Variants in UMODL1 observed in about 807,000 individuals in gnomAD.
The protein encoded by UMODL1 is uromodulin like 1.
A neutral mutation model predicts 136.3 loss-of-function variants in UMODL1; 128 were observed. The ratio of observed to expected loss-of-function variants is 0.94; its 90% CI spans 0.81 to 1.09. UMODL1 has a LOEUF of 1.09. Ranked by LOEUF, UMODL1 falls within the 50% of genes least tolerant of loss-of-function variation. The pLI is 0.00. For missense variants in UMODL1, 1,766 were observed against 1,725.6 expected (o/e 1.02, Z -0.41); for synonymous variants, 721 against 720.0 (o/e 1.00, Z -0.02).
upstream of UMODL1, among the ~76,000 whole-genome samples, chr21:42,066,426 G>A (rs1037464973): frequency 6.6e-6 from 1 of 152,200 alleles, no homozygotes; most frequent in South Asian, 2.1e-4. Flanking sequence ...AGGATTACAG[G>A]TGTGTGTCAC....
rs528852592 is a variant in UMODL1, at chr21:42,125,601, G to A, written c.3148-744G>A. 9.8e-5 allele frequency among the ~76,000 whole-genome samples: 15 copies of A among 152,294 alleles called. No individual in the cohort carries two copies. The South Asian group carries it at 2.5e-3, about 25-fold the overall frequency. On this transcript the variant is annotated intron_variant, in intron 17 of 22. Transcript: ENST00000408910. ...TTTTCTCCCTCAAAGCTTCTTAGACGGCCACCTGGAGGCCGAGCGTTGGCA... is the reference window on the plus strand; with the variant it reads ...TTTTCTCCCTCAAAGCTTCTTAGACAGCCACCTGGAGGCCGAGCGTTGGCA...
rs73371529 is a variant in UMODL1, at chr21:42,063,641, C to T, written c.-141+427C>T. On this transcript the variant is annotated intron_variant, in intron 1 of 22. Transcript: ENST00000400424. Reference sequence around the variant, plus strand: ...AGTGGAAACCTCTGGCCTCAGACCCCCTGGAGGAATCCCTCCCTCTAAGAC... The same window carrying T: ...AGTGGAAACCTCTGGCCTCAGACCCTCTGGAGGAATCCCTCCCTCTAAGAC... Among the ~76,000 whole-genome samples the T allele has an allele frequency of 2.6e-3, 391 of 152,316 alleles. 2 individuals are homozygous for T. Among genetic ancestry groups the T allele is most frequent in the African/African-American group, 9.2e-3 (381 of 41,556 alleles).
At chr21:42,068,333 C>G (rs2066199932), upstream of UMODL1, among the ~76,000 whole-genome samples, 2 of 152,140 alleles carry the variant, frequency 1.3e-5, no homozygotes, top group Non-Finnish European at 2.9e-5. The surrounding 1 kb of genome is among the most constrained non-coding windows in gnomAD (Gnocchi z 5.5). Context: ...AGGCTGGGAG[C>G]CTGCATTTTC....
chr21:42,126,373 C>T lies in UMODL1; in HGVS notation c.3176C>T (p.Thr1059Met), dbSNP rs147787707. 51 of 1,614,184 alleles carry T rather than the reference C, an allele frequency of 3.2e-5. No homozygotes were observed. Among genetic ancestry groups the T allele is most frequent in the South Asian group, 4.4e-5 (4 of 91,080 alleles). The change falls in exon 18 of 23, where the codon ACG (threonine) becomes ATG (methionine). Residue 1059 changes from threonine (T) to methionine (M), a missense_variant. Transcript: ENST00000408910. ...SNMTNTVVRT[T>M]LRNDLSQEGI... The stretch of plus-strand genomic sequence containing the variant: ...ATGACGAACACCGTGGTGAGGACCA[C>T]GCTGAGGAACGACCTGTCCCAGGAG...
chr21:42,085,826 G>A lies in UMODL1; in HGVS notation c.603+414G>A, dbSNP rs1001238347. On this transcript the variant is annotated intron_variant, in intron 4 of 22. Transcript: ENST00000408910. This position sits in a 1 kb window ranked among gnomAD's most constrained non-coding sequence, Gnocchi z 4.5. ...AAGCCAGCACCAACCTGGGAGTGCT[G>A]AGATGGGAACCGTAGCCCAGGGCTG... Among the ~76,000 whole-genome samples the A allele has an allele frequency of 1.3e-5, 2 of 152,152 alleles. No individual in the cohort carries two copies. Among genetic ancestry groups the A allele is most frequent in the African/African-American group, 4.8e-5 (2 of 41,430 alleles).
intron 5 of UMODL1, among the ~76,000 whole-genome samples, chr21:42,088,841 A>G (rs1477068510): frequency 6.6e-6 from 1 of 151,904 alleles, no homozygotes; most frequent in African/African-American, 2.4e-5. Context: ...GCCACACACA[A>G]AGAACTTGTT....
chr21:42,133,966 G>A (rs570236451), intron 21 of UMODL1, among the ~76,000 whole-genome samples: 62 of 152,320 alleles, frequency 4.1e-4, no homozygotes, highest in African/African-American at 1.5e-3. Context: ...TTGCCAGGCT[G>A]GAGTGCAGTG....
chr21:42,074,703 A>G (rs1601172368), intron 1 of UMODL1, among the ~76,000 whole-genome samples: 1 of 152,184 alleles, frequency 6.6e-6, no homozygotes, highest in Admixed American at 6.5e-5. Context: ...CCTCCTGATC[A>G]CAGTGGTAAC....
intron 8 of UMODL1, chr21:42,102,808 A>G (rs1294800386): frequency 6.6e-6 from 1 of 152,594 alleles, no homozygotes; most frequent in Non-Finnish European, 1.5e-5. Context: ...CAAACTAACA[A>G]GTGAGTCTGC....
At chr21:42,100,636 C>A (rs1324429806) in intron 7 of UMODL1, among the ~76,000 whole-genome samples, 1 of 152,050 alleles carries the variant, frequency 6.6e-6, no homozygotes, top group African/African-American at 2.4e-5. Flanking sequence ...AGAGGCAGTT[C>A]CATTACAGAA....
At chr21:42,096,386 A>G (rs2066557786) in intron 6 of UMODL1, among the ~76,000 whole-genome samples, 1 of 152,200 alleles carries the variant, frequency 6.6e-6, no homozygotes, top group Admixed American at 6.5e-5. Flanking sequence ...CAGGTCCCCC[A>G]TCCAGTGATC....
At chr21:42,084,290 G>T (rs1210653759) in intron 3 of UMODL1, 45 bp downstream of exon 3, 5 of 1,599,512 alleles carry the variant, frequency 3.1e-6, no homozygotes, top group African/African-American at 2.7e-5. Context: ...GCAAAGGCGG[G>T]TCTCGGTGAG....
At chr21:42,071,238 C>A, upstream of UMODL1, 1 of 1,371,724 alleles carries the variant, frequency 7.3e-7, no homozygotes, top group Non-Finnish European at 9.5e-7. Flanking sequence ...CAGCTCAGGC[C>A]CCTATGAGCC....
At chr21:42,108,749 C>T (rs562452047) in intron 9 of UMODL1, among the ~76,000 whole-genome samples, 5 of 152,208 alleles carry the variant, frequency 3.3e-5, no homozygotes, top group Non-Finnish European at 7.4e-5. Flanking sequence ...TCCCCTCAGG[C>T]GGGCCCCCCG....
In UMODL1 at chr21:42,084,140, C is replaced by A. The variant is rs991583941; in HGVS notation, c.376C>A (p.Pro126Thr). The A allele has an allele frequency of 8.7e-6, 14 of 1,614,052 alleles. No individual in the cohort carries two copies. Among genetic ancestry groups the A allele is most frequent in the Middle Eastern group, 3.3e-4 (2 of 6,084 alleles). Residue 126 changes from proline to threonine, a missense_variant, in exon 3 of 23, where the codon CCT (proline) becomes ACT (threonine). Pro to Thr is a conservative substitution (Grantham distance 38, BLOSUM62 -1). Coordinates refer to ENST00000408910, the MANE Select transcript of UMODL1 (RefSeq NM_001004416.3). Reference protein sequence around the residue: ...SRPGACPAEGPEPSTSPCSLD... With the variant: ...SRPGACPAEGTEPSTSPCSLD... ...ACCTGGGGCCTGCCCCGCAGAGGGGCCTGAACCATCCACCTCCCCCTGCAG... is the reference window on the plus strand; with the variant it reads ...ACCTGGGGCCTGCCCCGCAGAGGGGACTGAACCATCCACCTCCCCCTGCAG...
chr21:42,116,073 C>T (rs540675447), intron 14 of UMODL1, 88 bp downstream of exon 14: 51 of 1,086,508 alleles, frequency 4.7e-5, no homozygotes, highest in Non-Finnish European at 6.8e-5. Context: ...GGTGGCTCAC[C>T]CCTGTAATCC....
chr21:42,074,962 C>T (rs1016780519), intron 1 of UMODL1, among the ~76,000 whole-genome samples: 22 of 151,644 alleles, frequency 1.5e-4, no homozygotes, highest in East Asian at 1.2e-3. Flanking sequence ...AGTGCAGTGG[C>T]GCAATCTTGG....
At chr21:42,126,300 G>T in intron 17 of UMODL1, 45 bp from the exon 18 acceptor site, 6 of 1,609,574 alleles carry the variant, frequency 3.7e-6, no homozygotes, top group Non-Finnish European at 3.4e-6. Flanking sequence ...GGCGTGGGGG[G>T]CCGGCTGGGG....
At chr21:42,130,298 C>A (rs1458270020) in intron 21 of UMODL1, among the ~76,000 whole-genome samples, 1 of 151,678 alleles carries the variant, frequency 6.6e-6, no homozygotes, top group Admixed American at 6.6e-5. Context: ...TCAAAAGATG[C>A]AAAAAATGGC....
Sources: allele counts gnomAD v4.1 joint callset (sites outside exome capture counted in the v4.1 genomes callset), GRCh38; gene constraint gnomAD v4.1.1; non-coding constraint Gnocchi (gnomAD v3.1); transcripts MANE v1.5; gene names NCBI Gene and HGNC (gene_info 2026-07-23, HGNC 2026-07-21).